Variants in KIRREL3 observed in about 807,000 individuals in gnomAD.
The protein encoded by KIRREL3 is kirre like nephrin family adhesion molecule 3, also known as kin of IRRE-like protein 3.
In KIRREL3, 36 loss-of-function variants were observed where a neutral mutation model predicts 89.7. That is an observed-to-expected ratio of 0.40 (90% CI 0.31 to 0.53). KIRREL3 has a LOEUF of 0.53. Among genes scored for constraint, KIRREL3 ranks in the 20% least tolerant of loss-of-function variants. The pLI is 0.49. For synonymous variants in KIRREL3, 445 were observed against 441.4 expected (o/e 1.01, Z -0.10); for missense variants, 864 against 1,056.6 (o/e 0.82, Z 2.53).
intron 1 of KIRREL3, among the ~76,000 whole-genome samples, chr11:126,810,084 CAG>C (rs1168454104): frequency 1.3e-5 from 2 of 152,230 alleles, no homozygotes; most frequent in East Asian, 3.9e-4. Flanking sequence ...ACTGACCACT[CAG>C]GGCACTGGAG....
intron 1 of KIRREL3, among the ~76,000 whole-genome samples, chr11:126,792,412 A>C (rs1281094687): frequency 6.6e-6 from 1 of 152,206 alleles, no homozygotes; most frequent in Non-Finnish European, 1.5e-5. Flanking sequence ...ATTTGCCCCA[A>C]GTCACACAAC....
chr11:126,615,383 T>C lies in KIRREL3; in HGVS notation c.56-52471A>G, dbSNP rs1943300444. Reference sequence around the variant, plus strand: ...CTTGCTTTATCTTGTTTAACTCTCCTAATGCTTTAGAAGTAAGTATATTTA... The same window carrying C: ...CTTGCTTTATCTTGTTTAACTCTCCCAATGCTTTAGAAGTAAGTATATTTA... On this transcript the variant is annotated intron_variant, in intron 1 of 16. Transcript: ENST00000525144. This position sits in a 1 kb window ranked among gnomAD's most constrained non-coding sequence, Gnocchi z 5.4. 6.6e-6 allele frequency among the ~76,000 whole-genome samples: 1 copy of C among 152,324 alleles called. No individual in the cohort carries two copies. The highest frequency in any genetic ancestry group is 3.4e-3 in the Middle Eastern group (1 of 294).
rs1047357305 is a variant in KIRREL3 at position 126,763,875 on chromosome 11, C to G, written c.56-200963G>C. ...AACAGCAGTCTGTCTCATTAAGTAT[C>G]CTACTTAGTTTTCAGTTGACATTCC... On this transcript the variant is annotated intron_variant, in intron 1 of 16. Coordinates refer to ENST00000525144, the MANE Select transcript of KIRREL3 (RefSeq NM_032531.4). This position sits in a 1 kb window ranked among gnomAD's most constrained non-coding sequence, Gnocchi z 4.7. Among the ~76,000 whole-genome samples, 2 of 152,152 alleles carry G rather than the reference C, an allele frequency of 1.3e-5. No individual in the cohort carries two copies. The highest frequency in any genetic ancestry group is 4.8e-5 in the African/African-American group (2 of 41,436).
In KIRREL3 at chr11:126,522,724, G is replaced by T. The variant is rs1197422427; in HGVS notation, c.284-1260C>A. Among the ~76,000 whole-genome samples, 1 of 152,120 alleles carries T rather than the reference G, an allele frequency of 6.6e-6. No individual in the cohort carries two copies. The highest frequency in any genetic ancestry group is 1.5e-5 in the Non-Finnish European group (1 of 68,016). ...TCTTTCCATCCATCTCCTCACTGAG[G>T]TCTGCCCTCCCCCGAGTCCCTCAGT... is the stretch of plus-strand genomic sequence containing the variant. On this transcript the variant is annotated intron_variant, in intron 3 of 16. Transcript: ENST00000525144. This position sits in a 1 kb window ranked among gnomAD's most constrained non-coding sequence, Gnocchi z 6.0.
rs1382220440 is a variant in KIRREL3 at position 126,647,417 on chromosome 11, T to C, written c.56-84505A>G. Among the ~76,000 whole-genome samples, 2 of 152,190 alleles carry C rather than the reference T, an allele frequency of 1.3e-5. No homozygotes were observed. Among genetic ancestry groups the C allele is most frequent in the Admixed American group, 6.5e-5 (1 of 15,276 alleles). Reference sequence around the variant, plus strand: ...CTGAGATATATGAGGTATACCCCTTTCCCTCTAATCAAATTCAACCCCACC... The same window carrying C: ...CTGAGATATATGAGGTATACCCCTTCCCCTCTAATCAAATTCAACCCCACC... On this transcript the variant is annotated intron_variant, in intron 1 of 16. Transcript: ENST00000525144. This position sits in a 1 kb window ranked among gnomAD's most constrained non-coding sequence, Gnocchi z 4.9.
intron 2 of KIRREL3, among the ~76,000 whole-genome samples, chr11:126,552,677 C>T (rs1162978399): frequency 6.7e-6 from 1 of 148,412 alleles, no homozygotes; most frequent in South Asian, 2.1e-4. Flanking sequence ...TCTCCTGCCT[C>T]AGCCTCCTGA....
intron 1 of KIRREL3, among the ~76,000 whole-genome samples, chr11:126,975,692 T>A (rs1949545406): frequency 1.3e-5 from 2 of 152,180 alleles, no homozygotes; most frequent in Admixed American, 1.3e-4. Context: ...CTCCTGGAAC[T>A]AATTAATCAG....
chr11:126,882,669 GAGC>G (rs1945547396), intron 1 of KIRREL3, among the ~76,000 whole-genome samples: 2 of 152,214 alleles, frequency 1.3e-5, no homozygotes, highest in African/African-American at 4.8e-5. Context: ...GCAAAGGCAA[GAGC>G]CGATCTTTGA....
intron 1 of KIRREL3, among the ~76,000 whole-genome samples, chr11:126,735,178 T>A (rs1294055781): frequency 6.6e-6 from 1 of 152,156 alleles, no homozygotes; most frequent in Non-Finnish European, 1.5e-5. Flanking sequence ...CTTTTATGTC[T>A]CTGTAAAAGT....
chr11:126,556,024 G>A (rs1939680904), intron 2 of KIRREL3, among the ~76,000 whole-genome samples: 1 of 152,206 alleles, frequency 6.6e-6, no homozygotes, highest in African/African-American at 2.4e-5. Flanking sequence ...TTATAGGCGT[G>A]AGCCACCGTG....
chr11:126,893,570 A>G (rs1946012232), intron 1 of KIRREL3, among the ~76,000 whole-genome samples: 1 of 152,154 alleles, frequency 6.6e-6, no homozygotes, highest in Non-Finnish European at 1.5e-5. Flanking sequence ...AAGGTCTAGA[A>G]GTTTTAGACT....
chr11:126,567,195 G>C (rs1031917383), intron 1 of KIRREL3, among the ~76,000 whole-genome samples: 1 of 152,242 alleles, frequency 6.6e-6, no homozygotes, highest in Non-Finnish European at 1.5e-5. Context: ...TTTGGAGATA[G>C]GAAATTTGTA....
At chr11:126,800,266 T>G (rs1205196833) in intron 1 of KIRREL3, among the ~76,000 whole-genome samples, 1 of 152,210 alleles carries the variant, frequency 6.6e-6, no homozygotes, top group Non-Finnish European at 1.5e-5. Context: ...GGACTTGGTA[T>G]CCCAGGGCCT....
At position 126,643,805 on chromosome 11, in the gene KIRREL3, A is replaced by G. The variant is rs2134940908; in HGVS notation, c.56-80893T>C. 6.6e-6 allele frequency among the ~76,000 whole-genome samples: 1 copy of G among 152,314 alleles called. No homozygotes were observed. The highest frequency in any genetic ancestry group is 2.4e-5 in the African/African-American group (1 of 41,566). ...ATGGAGGAAATAGAAAAGAGTTATT[A>G]TGAACTGGTGACCAAAAAGATGAAG... On this transcript the variant is annotated intron_variant, in intron 1 of 16. Transcript: ENST00000525144. This position sits in a 1 kb window ranked among gnomAD's most constrained non-coding sequence, Gnocchi z 4.5.
intron 4 of KIRREL3, among the ~76,000 whole-genome samples, chr11:126,500,755 GA>G (rs1313653288): frequency 7.4e-6 from 1 of 134,520 alleles, no homozygotes; most frequent in African/African-American, 2.8e-5. Context: ...AAAAAAAAAA[GA>G]AAAAGAAAAG....
chr11:126,491,206 G>T lies in KIRREL3; in HGVS notation c.434-17740C>A, dbSNP rs1025911615. ...GGCGTCAGCGTCTGCATCTGAAAGT[G>T]GGCATGGCGGTGAAACCACCTGAGG... On this transcript the variant is annotated intron_variant, in intron 4 of 16. Coordinates refer to ENST00000525144, the MANE Select transcript of KIRREL3 (RefSeq NM_032531.4). The surrounding 1 kb of genome is among the most constrained non-coding windows in gnomAD (Gnocchi z 5.5). Among the ~76,000 whole-genome samples, 1 of 152,342 alleles carries T rather than the reference G, an allele frequency of 6.6e-6. No individual in the cohort carries two copies. The highest frequency in any genetic ancestry group is 2.1e-4 in the South Asian group (1 of 4,832).
At chr11:126,618,258 A>G (rs1591824400) in intron 1 of KIRREL3, among the ~76,000 whole-genome samples, 1 of 92,040 alleles carries the variant, frequency 1.1e-5, no homozygotes, top group African/African-American at 3.9e-5. Context: ...GGTGGTGCTA[A>G]CTCACTCATG....
chr11:126,747,593 T>C lies in KIRREL3; in HGVS notation c.56-184681A>G, dbSNP rs766817404. 6.6e-6 allele frequency among the ~76,000 whole-genome samples: 1 copy of C among 152,180 alleles called. No individual in the cohort carries two copies. The highest frequency in any genetic ancestry group is 1.5e-5 in the Non-Finnish European group (1 of 68,032). ...GTGGCTGTGCTCACAGAAAAGGCAC[T>C]GTATATCCCTCTTTCGTGGTATTAG... On this transcript the variant is annotated intron_variant, in intron 1 of 16. Transcript: ENST00000525144. This position sits in a 1 kb window ranked among gnomAD's most constrained non-coding sequence, Gnocchi z 4.7.
At position 126,429,226 on chromosome 11, in the gene KIRREL3, C is replaced by T; in HGVS notation, c.1759G>A (p.Ala587Thr). ...IRVEIVHKEP[A>T]SGREGEEHST... Reference sequence around the variant, plus strand: ...TGCTCCTCACCCTCCCGACCAGAGGCTGGTTCCTTGTGGACAATTTCCACT... The same window carrying T: ...TGCTCCTCACCCTCCCGACCAGAGGTTGGTTCCTTGTGGACAATTTCCACT... Residue 587 changes from alanine (A) to threonine (T), a missense_variant, in exon 15 of 17, where the codon GCC (alanine) becomes ACC (threonine). By Grantham distance (58) the Ala-to-Thr change is moderately conservative (BLOSUM62 0). Transcript: ENST00000525144. This position sits in a 1 kb window ranked among gnomAD's most constrained non-coding sequence, Gnocchi z 5.2. 6.2e-7 allele frequency: 1 copy of T among 1,613,992 alleles called. No homozygotes were observed. Among genetic ancestry groups the T allele is most frequent in the South Asian group, 1.1e-5 (1 of 91,080 alleles).
Sources: gnomAD v4.1 joint callset for allele counts (sites outside exome capture counted in the v4.1 genomes callset) on GRCh38, gnomAD v4.1.1 for gene constraint, Gnocchi (gnomAD v3.1) non-coding constraint, MANE v1.5 for transcripts, NCBI Gene and HGNC (gene_info 2026-07-23, HGNC 2026-07-21) for gene names.